The following KPNA4 variants were observed in gnomAD, a reference collection of about 807,000 sequenced individuals.
KPNA4 encodes karyopherin subunit alpha 4, also known as importin subunit alpha-3.
KPNA4 carries 13 observed loss-of-function variants against 71.3 expected under a neutral mutation model. The observed-to-expected ratio is 0.18, with a 90% CI of 0.12 to 0.29. The LOEUF is 0.29. Ranked by LOEUF, KPNA4 falls within the 10% of genes least tolerant of loss-of-function variation. The pLI is 1.00. For synonymous variants in KPNA4, 189 were observed against 195.2 expected, an observed-to-expected ratio of 0.97 and a Z score of 0.26; for missense variants, 334 against 603.2, an observed-to-expected ratio of 0.55 and a Z score of 4.67.
At chr3:160,561,613 TG>T (rs1722247746) in intron 1 of KPNA4, among the ~76,000 whole-genome samples, 1 of 152,100 alleles carries the variant, frequency 6.6e-6, no homozygotes, top group Non-Finnish European at 1.5e-5. Context: ...AATATCAGAT[TG>T]AAATCTATGA....
intron 1 of KPNA4, chr3:160,564,368 G>T (rs989569713): frequency 6.6e-6 from 1 of 152,118 alleles, no homozygotes; most frequent in Non-Finnish European, 1.5e-5. Context: ...CAGGTGGAGG[G>T]AAAGGATACT....
rs1379575537 is a variant in KPNA4, at chr3:160,501,482, G to C, written c.*622C>G. On this transcript the variant is annotated 3_prime_UTR_variant, in exon 17 of 17. Coordinates refer to ENST00000334256, the MANE Select transcript of KPNA4 (RefSeq NM_002268.5). The stretch of plus-strand genomic sequence containing the variant: ...ACTAGGTTATCAGCCCCCTGAAGGT[G>C]AATCAAGCTTGCATGCGTTCACATA... The C allele has an allele frequency of 6.6e-6, 1 of 152,494 alleles. No homozygotes were observed. The highest frequency in any genetic ancestry group is 1.5e-5 in the Non-Finnish European group (1 of 68,030). 9.4% of individuals were successfully genotyped at this position (152,494 alleles called of 1,614,324 possible). A position where few individuals can be genotyped will look rare whatever the true frequency, so the allele number is the denominator to read the frequency against.
chr3:160,535,773 TTTAAG>T (rs764008110), intron 3 of KPNA4, 30 bp downstream of exon 3: 1 of 1,560,918 alleles, frequency 6.4e-7, no homozygotes, highest in South Asian at 1.2e-5. Flanking sequence ...CACTCGTACT[TTTAAG>T]TTACCAGAAT....
chr3:160,555,145 T>C (rs777743135), intron 1 of KPNA4, among the ~76,000 whole-genome samples: 10 of 152,210 alleles, frequency 6.6e-5, no homozygotes, highest in Admixed American at 2.0e-4. Context: ...CAGGCGTCCG[T>C]TGCAGAACTG....
At chr3:160,528,981 T>G (rs1721515834) in intron 7 of KPNA4, among the ~76,000 whole-genome samples, 1 of 152,182 alleles carries the variant, frequency 6.6e-6, no homozygotes, top group Admixed American at 6.5e-5. Context: ...AGACTGGAGT[T>G]CAGTGGTGTC....
At position 160,565,460 on chromosome 3, in the gene KPNA4, C is replaced by A; in HGVS notation, c.-178G>T. The stretch of plus-strand genomic sequence containing the variant: ...GGCCTTCTCCTCTCCCCGCCCGCCC[C>A]CCCGCCCTAACCCCAGCGCGACTGC... On this transcript the variant is annotated 5_prime_UTR_variant, in exon 1 of 17. Transcript: ENST00000334256. The A allele has an allele frequency of 1.7e-6, 1 of 591,100 alleles. No individual in the cohort carries two copies. Among genetic ancestry groups the A allele is most frequent in the East Asian group, 3.0e-5 (1 of 33,108 alleles). The allele number at this position is 591,100 out of a possible 1,614,324, so 36.6% of individuals were successfully genotyped here.
chr3:160,505,160 A>G, intron 15 of KPNA4, 108 bp from the exon 16 acceptor site: 1 of 485,208 alleles, frequency 2.1e-6, no homozygotes, highest in Non-Finnish European at 3.4e-6. Flanking sequence ...AAATTTTTTG[A>G]ATTATAATTT....
In KPNA4 at chr3:160,497,003, T is replaced by C. The variant is rs1249866035; in HGVS notation, c.*5101A>G. 6.6e-6 allele frequency: 1 copy of C among 152,236 alleles called. No homozygotes were observed. The highest frequency in any genetic ancestry group is 1.5e-5 in the Non-Finnish European group (1 of 68,044). 9.4% of individuals were successfully genotyped at this position (152,236 alleles called of 1,614,324 possible). The stretch of plus-strand genomic sequence containing the variant: ...GGGAAAAAAATGTTAAATCTACTTT[T>C]CTTATACATGATTGGTGTGCTTAGT... On this transcript the variant is annotated 3_prime_UTR_variant, in exon 17 of 17. Coordinates refer to ENST00000334256, the MANE Select transcript of KPNA4 (RefSeq NM_002268.5).
intron 1 of KPNA4, among the ~76,000 whole-genome samples, chr3:160,543,038 T>C (rs1256807635): frequency 6.6e-6 from 1 of 152,106 alleles, no homozygotes; most frequent in Non-Finnish European, 1.5e-5. Context: ...AATTAAAAAG[T>C]TATACATGTC....
At position 160,498,945 on chromosome 3, in the gene KPNA4, A is replaced by G. The variant is rs1320614812; in HGVS notation, c.*3159T>C. The stretch of plus-strand genomic sequence containing the variant: ...CTTAATCTCTGTAACTTTTTCCTTG[A>G]GGAAACTGAGGCAATGGAGAATCCA... On this transcript the variant is annotated 3_prime_UTR_variant, in exon 17 of 17. Coordinates refer to ENST00000334256, the MANE Select transcript of KPNA4 (RefSeq NM_002268.5). 1 of 152,206 alleles carries G rather than the reference A, an allele frequency of 6.6e-6. No homozygotes were observed. Among genetic ancestry groups the G allele is most frequent in the Non-Finnish European group, 1.5e-5 (1 of 68,032 alleles). 9.4% of individuals were successfully genotyped at this position (152,206 alleles called of 1,614,324 possible). A position where few individuals can be genotyped will look rare whatever the true frequency, so the allele number is the denominator to read the frequency against.
chr3:160,539,414 T>C (rs1293477280), intron 1 of KPNA4, among the ~76,000 whole-genome samples: 1 of 152,218 alleles, frequency 6.6e-6, no homozygotes, highest in East Asian at 1.9e-4. Flanking sequence ...CCTTTATTTC[T>C]TTTTAAAAAT....
chr3:160,526,620 T>A (rs916266403), intron 8 of KPNA4, among the ~76,000 whole-genome samples: 2 of 152,226 alleles, frequency 1.3e-5, no homozygotes, highest in African/African-American at 4.8e-5. Flanking sequence ...GAATTCTGTG[T>A]TTTAACAAGC....
intron 1 of KPNA4, among the ~76,000 whole-genome samples, chr3:160,555,259 TTTTA>T (rs1326600677): frequency 1.3e-5 from 2 of 152,232 alleles, no homozygotes; most frequent in African/African-American, 4.8e-5. Flanking sequence ...GAGTTTTTAG[TTTTA>T]TTTATTTATT....
At chr3:160,530,440 T>C (rs1721551293) in intron 7 of KPNA4, among the ~76,000 whole-genome samples, 2 of 152,032 alleles carry the variant, frequency 1.3e-5, no homozygotes, top group South Asian at 2.1e-4. Context: ...GATTGTGCCA[T>C]TGTATTCCAG....
intron 2 of KPNA4, among the ~76,000 whole-genome samples, chr3:160,536,357 C>G (rs1432570328): frequency 1.3e-5 from 2 of 152,066 alleles, no homozygotes; most frequent in African/African-American, 4.8e-5. Flanking sequence ...AGGGCCATTT[C>G]AACTTCACTT....
At chr3:160,537,485 T>G (rs547364915) in intron 1 of KPNA4, among the ~76,000 whole-genome samples, 1 of 151,924 alleles carries the variant, frequency 6.6e-6, no homozygotes, top group South Asian at 2.1e-4. Context: ...TTTTTCTCAT[T>G]TTTTAAGTTA....
At chr3:160,529,959 C>T (rs1721538839) in intron 7 of KPNA4, among the ~76,000 whole-genome samples, 1 of 150,096 alleles carries the variant, frequency 6.7e-6, no homozygotes, top group Non-Finnish European at 1.5e-5. Context: ...CACAGTGAAA[C>T]CCCGTCTCTA....
At chr3:160,545,128 A>T (rs1721879441) in intron 1 of KPNA4, among the ~76,000 whole-genome samples, 1 of 152,210 alleles carries the variant, frequency 6.6e-6, no homozygotes, top group Non-Finnish European at 1.5e-5. Flanking sequence ...CCTTCAAATA[A>T]GCTATTTTTC....
chr3:160,538,161 A>AG (rs1158037183), intron 1 of KPNA4, among the ~76,000 whole-genome samples: 1 of 150,226 alleles, frequency 6.7e-6, no homozygotes, highest in Non-Finnish European at 1.5e-5. Flanking sequence ...ATATGTATAT[A>AG]TGTGTGTATA....
Sources: gnomAD v4.1 joint callset for allele counts (sites outside exome capture counted in the v4.1 genomes callset) on GRCh38, gnomAD v4.1.1 for gene constraint, MANE v1.5 for transcripts, NCBI Gene and HGNC (gene_info 2026-07-23, HGNC 2026-07-21) for gene names.